The following KNDC1 variants were observed in gnomAD, a reference collection of about 807,000 sequenced individuals.
KNDC1 encodes the protein kinase non-catalytic C-lobe domain containing 1, also known as kinase non-catalytic C-lobe domain-containing protein 1.
Under a neutral mutation model 172.8 loss-of-function variants are expected in KNDC1, and 106 were observed. That is an observed-to-expected ratio of 0.61 (90% CI 0.52 to 0.72). The LOEUF is 0.72. KNDC1 is among the 30% of genes least tolerant of loss of function. The pLI is 0.00. For missense variants in KNDC1, 2,325 were observed against 2,394.5 expected, an observed-to-expected ratio of 0.97 and a Z score of 0.61; for synonymous variants, 1,083 against 1,062.2, an observed-to-expected ratio of 1.02 and a Z score of -0.38.
chr10:133,201,863 C>T lies in KNDC1; in HGVS notation c.3352C>T (p.Gln1118Ter). The change falls in exon 17 of 30, where the codon CAG becomes TAG. Residue 1118 changes from glutamine to a stop codon, truncating the protein, a stop_gained. Coordinates refer to ENST00000304613, the MANE Select transcript of KNDC1 (RefSeq NM_152643.8). LOFTEE classifies it high-confidence loss of function. ...HNYVKDLGRQ[Q>*]ADGALPDAQS... ...CTACGTGAAGGACCTGGGGCGGCAG[C>T]AGGCGGACGGGGCCCTGCCCGACGC... is the stretch of plus-strand genomic sequence containing the variant. 2.0e-6 allele frequency: 3 copies of T among 1,476,856 alleles called. No individual in the cohort carries two copies. The highest frequency in any genetic ancestry group is 2.4e-5 in the East Asian group (1 of 41,090). The allele number at this position is 1,476,856 out of a possible 1,614,324, so 91.5% of individuals were successfully genotyped here.
Position 133,198,838 on chromosome 10 carries a change from C to G in KNDC1, c.2330C>G (p.Ala777Gly). 6.3e-7 allele frequency: 1 copy of G among 1,599,602 alleles called. No homozygotes were observed. The highest frequency in any genetic ancestry group is 8.5e-7 in the Non-Finnish European group (1 of 1,175,524). Reference protein sequence around the residue: ...ANQPEGASSAAPGSPVPAPPT... With the variant: ...ANQPEGASSAGPGSPVPAPPT... ...CAGCCAGAGGGGGCCTCATCGGCAG[C>G]TCCCGGCTCTCCAGTCCCCGCCCCG... The change falls in exon 14 of 30, where the codon GCT becomes GGT. Residue 777 changes from alanine (A) to glycine (G), a missense_variant. Coordinates refer to ENST00000304613, the MANE Select transcript of KNDC1 (RefSeq NM_152643.8).
intron 23 of KNDC1, 142 bp downstream of exon 23, chr10:133,212,000 C>A (rs759266980): frequency 1.9e-5 from 14 of 755,028 alleles, no homozygotes; most frequent in African/African-American, 5.3e-5. Flanking sequence ...TACACATAGA[C>A]GTGTGCACAT....
chr10:133,213,155 G>T (rs558483854), intron 24 of KNDC1, among the ~76,000 whole-genome samples: 26 of 152,322 alleles, frequency 1.7e-4, no homozygotes, highest in Middle Eastern at 6.8e-3. Context: ...ACTGCCCGCT[G>T]GGCCTGGCCC....
At chr10:133,176,600 C>T (rs1853545297) in intron 3 of KNDC1, among the ~76,000 whole-genome samples, 1 of 152,166 alleles carries the variant, frequency 6.6e-6, no homozygotes, top group African/African-American at 2.4e-5. Context: ...CCAGGTTGCT[C>T]CTTTGACCTG....
intron 29 of KNDC1, among the ~76,000 whole-genome samples, chr10:133,221,872 TGGGC>T (rs1845597081): frequency 6.9e-5 from 6 of 87,534 alleles, no homozygotes; most frequent in African/African-American, 2.3e-4. Flanking sequence ...TAACCCTAGG[TGGGC>T]AGGGCTGGGT....
In KNDC1 at chr10:133,160,267, G is replaced by GCCCCCGCGCACCCCGCGC. The variant is rs1253023902; in HGVS notation, c.-191_-174dup. On this transcript the variant is annotated 5_prime_UTR_variant, in exon 1 of 30. Transcript: ENST00000304613. ...CGCCGGGTCCGGACAGCGCCGCGCA[G>GCCCCCGCGCACCCCGCGC]CCCCCGCGCACCCCGCGCCCCCCGC... is the stretch of plus-strand genomic sequence containing the variant. Among the ~76,000 whole-genome samples the GCCCCCGCGCACCCCGCGC allele has an allele frequency of 4.3e-5, 6 of 141,102 alleles. No homozygotes were observed. Among genetic ancestry groups the GCCCCCGCGCACCCCGCGC allele is most frequent in the Admixed American group, 2.8e-4 (4 of 14,096 alleles). The allele number at this position is 141,102 out of a possible 152,430, so 92.6% of individuals were successfully genotyped here.
intron 6 of KNDC1, 125 bp from the exon 7 acceptor site, chr10:133,188,414 T>G: frequency 1.6e-6 from 1 of 625,670 alleles, no homozygotes; most frequent in Non-Finnish European, 2.9e-6. Context: ...TTCTATCAGG[T>G]GTGGGGGGCG....
rs373259292 is a variant in KNDC1, at chr10:133,199,442, C to G, written c.2759-16C>G. On this transcript the variant is annotated splice_polypyrimidine_tract_variant and intron_variant, in intron 14 of 29. Transcript: ENST00000304613. ...CTGCCACCATCTCACTTGTCTCCAT[C>G]GTTTTGCAAAACCAGGGGAGTACAT... 26 of 1,611,978 alleles carry G rather than the reference C, an allele frequency of 1.6e-5. No individual in the cohort carries two copies. The highest frequency in any genetic ancestry group is 2.0e-5 in the Non-Finnish European group (24 of 1,179,116).
chr10:133,165,951 A>C (rs1853137211), intron 1 of KNDC1, among the ~76,000 whole-genome samples: 1 of 152,188 alleles, frequency 6.6e-6, no homozygotes, highest in Non-Finnish European at 1.5e-5. Context: ...CGCAAGAAGG[A>C]GATGGACGGG....
chr10:133,171,004 T>C (rs919096044), intron 3 of KNDC1, among the ~76,000 whole-genome samples: 35 of 152,260 alleles, frequency 2.3e-4, no homozygotes, highest in African/African-American at 7.5e-4. Flanking sequence ...TGAAAAGTAG[T>C]TGCTCGATTT....
chr10:133,193,526 TTAAA>T (rs1045761655), intron 9 of KNDC1, among the ~76,000 whole-genome samples: 4 of 151,474 alleles, frequency 2.6e-5, no homozygotes, highest in South Asian at 2.1e-4. Flanking sequence ...ACCCTGTCTC[TTAAA>T]TAAATAAAGG....
At chr10:133,189,567 CATACCCG>C (rs768294221) in intron 7 of KNDC1, 24 bp from the exon 8 acceptor site, 10 of 1,603,860 alleles carry the variant, frequency 6.2e-6, no homozygotes, top group Non-Finnish European at 8.5e-6. Flanking sequence ...GGGCAGCATG[CATACCCG>C]CCCTGACCCA....
intron 2 of KNDC1, 37 bp from the exon 3 acceptor site, chr10:133,168,217 C>T (rs755435920): frequency 6.3e-7 from 1 of 1,597,712 alleles, no homozygotes; most frequent in Non-Finnish European, 8.6e-7. Context: ...GCAGGTGTGA[C>T]CAGAAGCCTT....
rs934370949 is a variant in KNDC1 at position 133,163,253 on chromosome 10, C to T, written c.102+2684C>T. Reference sequence around the variant, plus strand: ...GTTTGGGTGCCAGAGCAGGACGTGTCCCGGGTCCCTGAGAGGCAGGCAGCA... The same window carrying T: ...GTTTGGGTGCCAGAGCAGGACGTGTTCCGGGTCCCTGAGAGGCAGGCAGCA... On this transcript the variant is annotated intron_variant, in intron 1 of 29. Transcript: ENST00000304613. The surrounding 1 kb of genome is among the most constrained non-coding windows in gnomAD (Gnocchi z 4.4). 6.6e-6 allele frequency among the ~76,000 whole-genome samples: 1 copy of T among 152,154 alleles called. No individual in the cohort carries two copies. The highest frequency in any genetic ancestry group is 2.4e-5 in the African/African-American group (1 of 41,414).
chr10:133,186,710 C>T (rs775049092), intron 6 of KNDC1, 36 bp downstream of exon 6: 18 of 1,491,832 alleles, frequency 1.2e-5, no homozygotes, highest in African/African-American at 8.4e-5. Context: ...GTGGAGGGGT[C>T]GGCGGTCAGT....
rs550328756 is a variant in KNDC1 at position 133,201,754 on chromosome 10, C to G, written c.3243C>G (p.Pro1081=). 2 of 1,566,660 alleles carry G rather than the reference C, an allele frequency of 1.3e-6. No individual in the cohort carries two copies. The highest frequency in any genetic ancestry group is 4.5e-5 in the East Asian group (2 of 44,274). Reference sequence around the variant, plus strand: ...AAGGGGTCGGCCCAGCCTTGTCCCCCGGCCCAGCCGGATTCCAGAGCTGCA... The same window carrying G: ...AAGGGGTCGGCCCAGCCTTGTCCCCGGGCCCAGCCGGATTCCAGAGCTGCA... The part of the protein sequence containing the change: ...RSKGVGPALS[P]GPAGFQSCSP... Residue 1081 remains proline (P), a synonymous_variant, in exon 17 of 30, where the codon CCC becomes CCG. Coordinates refer to ENST00000304613, the MANE Select transcript of KNDC1 (RefSeq NM_152643.8).
chr10:133,172,149 G>A (rs1853396122), intron 3 of KNDC1, among the ~76,000 whole-genome samples: 1 of 152,080 alleles, frequency 6.6e-6, no homozygotes. Flanking sequence ...TGTGAGGCTG[G>A]GCACTGTCCC....
At chr10:133,162,898 G>A (rs920902869) in intron 1 of KNDC1, among the ~76,000 whole-genome samples, 1 of 152,268 alleles carries the variant, frequency 6.6e-6, no homozygotes, top group African/African-American at 2.4e-5. Context: ...CTCTCAGCTG[G>A]AACCTACCAG....
chr10:133,167,592 T>C lies in KNDC1; in HGVS notation c.301+13T>C, dbSNP rs1853213137. 15 of 1,566,550 alleles carry C rather than the reference T, an allele frequency of 9.6e-6. No individual in the cohort carries two copies. The highest frequency in any genetic ancestry group is 1.3e-5 in the Non-Finnish European group (15 of 1,156,782). On this transcript the variant is annotated intron_variant, in intron 2 of 29. Coordinates refer to ENST00000304613, the MANE Select transcript of KNDC1 (RefSeq NM_152643.8). Reference sequence around the variant, plus strand: ...GAGCAGCTCAGCGGTGAGGCGGCGGTGGCGGTGGCGGCGGCGGCGGGCACG... The same window carrying C: ...GAGCAGCTCAGCGGTGAGGCGGCGGCGGCGGTGGCGGCGGCGGCGGGCACG...
Sources: gnomAD v4.1 joint callset for allele counts (sites outside exome capture counted in the v4.1 genomes callset) on GRCh38, gnomAD v4.1.1 for gene constraint, Gnocchi (gnomAD v3.1) non-coding constraint, MANE v1.5 for transcripts, NCBI Gene and HGNC (gene_info 2026-07-23, HGNC 2026-07-21) for gene names.